LSAMP: variants seen among roughly 807,000 people sequenced by gnomAD.
LSAMP encodes limbic system associated membrane protein, also known as limbic system-associated membrane protein.
A neutral mutation model predicts 38.6 loss-of-function variants in LSAMP; 7 were observed. The observed-to-expected ratio is 0.18, with a 90% CI of 0.10 to 0.34. LSAMP has a LOEUF of 0.34. Among genes scored for constraint, LSAMP ranks in the 10% least tolerant of loss-of-function variants. The pLI, the probability that LSAMP is intolerant of heterozygous loss-of-function variation, is 1.00. For synonymous variants in LSAMP, 154 were observed against 166.8 expected, an observed-to-expected ratio of 0.92 and a Z score of 0.59; for missense variants, 313 against 420.0, an observed-to-expected ratio of 0.75 and a Z score of 2.23.
chr3:116,340,726 A>G (rs2047981147), intron 1 of LSAMP, among the ~76,000 whole-genome samples: 1 of 152,050 alleles, frequency 6.6e-6, no homozygotes, highest in East Asian at 1.9e-4. Context: ...CCTACAAACA[A>G]TACTGTGTGT....
At chr3:116,029,880 T>A (rs796258202) in intron 2 of LSAMP, among the ~76,000 whole-genome samples, 4 of 152,168 alleles carry the variant, frequency 2.6e-5, no homozygotes, top group African/African-American at 9.6e-5. Flanking sequence ...CATTCTCAAG[T>A]GGCCTTATGA....
chr3:115,844,998 C>T (rs1471233515), intron 4 of LSAMP, among the ~76,000 whole-genome samples: 1 of 151,998 alleles, frequency 6.6e-6, no homozygotes, highest in Admixed American at 6.6e-5. Flanking sequence ...AATGTTGGAA[C>T]CCAAGGCAGG....
intron 1 of LSAMP, among the ~76,000 whole-genome samples, chr3:116,421,285 T>C (rs891702676): frequency 1.3e-5 from 2 of 152,102 alleles, no homozygotes; most frequent in Non-Finnish European, 2.9e-5. Flanking sequence ...AAAGAATTAT[T>C]GGGGCCAGGC....
At chr3:116,042,019 CATATGT>C (rs1941184900) in intron 2 of LSAMP, among the ~76,000 whole-genome samples, 1 of 152,082 alleles carries the variant, frequency 6.6e-6, no homozygotes, top group South Asian at 2.1e-4. Flanking sequence ...ATAGAACCAA[CATATGT>C]ATATATTATA....
At chr3:116,123,463 C>T (rs1708933985) in intron 1 of LSAMP, among the ~76,000 whole-genome samples, 2 of 152,160 alleles carry the variant, frequency 1.3e-5, no homozygotes, top group Admixed American at 6.5e-5. Context: ...CAATAGGCAA[C>T]ATTATGCCAT....
At chr3:115,819,699 T>G (rs879791904) in intron 6 of LSAMP, among the ~76,000 whole-genome samples, 2 of 152,204 alleles carry the variant, frequency 1.3e-5, no homozygotes, top group Non-Finnish European at 2.9e-5. Context: ...TACATTTGCT[T>G]GAAATATCTT....
chr3:116,081,519 A>G, intron 2 of LSAMP, among the ~76,000 whole-genome samples: 1 of 152,134 alleles, frequency 6.6e-6, no homozygotes. Flanking sequence ...AAGGGCATCT[A>G]GAGACATTAT....
chr3:115,933,106 G>A (rs946862424), intron 3 of LSAMP, among the ~76,000 whole-genome samples: 2 of 152,300 alleles, frequency 1.3e-5, no homozygotes, highest in South Asian at 4.1e-4. Context: ...CTCGCGAAAG[G>A]GAGTGGTTTC....
intron 1 of LSAMP, among the ~76,000 whole-genome samples, chr3:116,095,901 A>G (rs567770270): frequency 4.3e-4 from 65 of 152,334 alleles, no homozygotes; most frequent in Non-Finnish European, 8.7e-4. Flanking sequence ...CAAGTTACTT[A>G]GCAGAGAAAG....
chr3:116,280,017 T>C (rs2107680748), intron 1 of LSAMP, among the ~76,000 whole-genome samples: 1 of 152,076 alleles, frequency 6.6e-6, no homozygotes, highest in Middle Eastern at 3.4e-3. Flanking sequence ...GGCATTTACA[T>C]GGGATTATTC....
chr3:115,868,603 A>G (rs1447292918), intron 3 of LSAMP, among the ~76,000 whole-genome samples: 3 of 152,104 alleles, frequency 2.0e-5, no homozygotes, highest in East Asian at 3.9e-4. Flanking sequence ...ATTTTTCACT[A>G]AAGAGTTGAA....
chr3:115,849,014 C>T (rs1935247333), intron 4 of LSAMP, among the ~76,000 whole-genome samples: 1 of 152,144 alleles, frequency 6.6e-6, no homozygotes, highest in Non-Finnish European at 1.5e-5. Context: ...ACATTTAATG[C>T]ACTGTGAACT....
rs79634775 is a variant in LSAMP at position 115,992,191 on chromosome 3, C to T, written c.514+27324G>A. The stretch of plus-strand genomic sequence containing the variant: ...TTATTGCCAGATGAGATGTCCCCAG[C>T]CCCCAGCTCCAACTTTACACCAGCA... On this transcript the variant is annotated intron_variant, in intron 3 of 6. Coordinates refer to ENST00000490035, the MANE Select transcript of LSAMP (RefSeq NM_002338.5). Among the ~76,000 whole-genome samples, 598 of 152,066 alleles carry T rather than the reference C, an allele frequency of 3.9e-3. 4 individuals are homozygous for T. Among genetic ancestry groups the T allele is most frequent in the African/African-American group, 0.013 (544 of 41,494 alleles).
intron 2 of LSAMP, among the ~76,000 whole-genome samples, chr3:116,081,309 G>A (rs745459349): frequency 6.6e-6 from 1 of 151,824 alleles, no homozygotes; most frequent in Non-Finnish European, 1.5e-5. Flanking sequence ...TAAAAATTAG[G>A]CAGGCATGAT....
chr3:115,869,126 T>A (rs991657240), intron 3 of LSAMP, among the ~76,000 whole-genome samples: 1 of 152,032 alleles, frequency 6.6e-6, no homozygotes, highest in Non-Finnish European at 1.5e-5. Context: ...AATAAAAAAT[T>A]CAGAAGTATA....
rs184641678 is a variant in LSAMP, at chr3:116,142,573, C to T, written c.156-56017G>A. On this transcript the variant is annotated intron_variant, in intron 1 of 6. Coordinates refer to ENST00000490035, the MANE Select transcript of LSAMP (RefSeq NM_002338.5). ...AGACCATTCATTTATAATTTTCATA[C>T]ATTGATCTTAGTTTTCTTTTTAGGG... Among the ~76,000 whole-genome samples, 213 of 152,090 alleles carry T rather than the reference C, an allele frequency of 1.4e-3. 5 individuals carry two copies. The highest frequency in any genetic ancestry group is 6.8e-4 in the Non-Finnish European group (46 of 67,946).
At position 116,086,080 on chromosome 3, in the gene LSAMP, C is replaced by T. The variant is rs184078980; in HGVS notation, c.388+244G>A. On this transcript the variant is annotated intron_variant, in intron 2 of 6. Transcript: ENST00000490035. The stretch of plus-strand genomic sequence containing the variant: ...CTGTGGCTTTTGCCGTGTGTTTTCA[C>T]ACTCAGGGCTAGGTGAAAACATTCT... 4.6e-5 allele frequency among the ~76,000 whole-genome samples: 7 copies of T among 152,282 alleles called. 1 individual carries two copies. The East Asian group carries it at 1.4e-3, about 29-fold the overall frequency.
chr3:115,862,182 TG>T (rs148242848), intron 3 of LSAMP, among the ~76,000 whole-genome samples: 3,490 of 152,262 alleles, frequency 0.023, 120 homozygotes, highest in African/African-American at 0.072. Context: ...ATCAGAACTG[TG>T]GGGGTATTAC....
chr3:116,309,864 C>G (rs987309053), intron 1 of LSAMP, among the ~76,000 whole-genome samples: 1 of 152,142 alleles, frequency 6.6e-6, no homozygotes, highest in Non-Finnish European at 1.5e-5. Flanking sequence ...CTTAGTCTGC[C>G]AGCCAAGACT....
Sources: gnomAD v4.1 joint callset for allele counts (sites outside exome capture counted in the v4.1 genomes callset) on GRCh38, gnomAD v4.1.1 for gene constraint, MANE v1.5 for transcripts, NCBI Gene and HGNC (gene_info 2026-07-23, HGNC 2026-07-21) for gene names.